The following RUNDC3B variants were observed in gnomAD, a reference collection of about 807,000 sequenced individuals.
The protein encoded by RUNDC3B is RUN domain containing 3B.
In RUNDC3B, 33 loss-of-function variants were observed where a neutral mutation model predicts 58.4. The ratio of observed to expected loss-of-function variants is 0.56; its 90% confidence interval spans 0.43 to 0.75. The LOEUF is 0.75. Ranked by LOEUF, RUNDC3B falls within the 30% of genes least tolerant of loss-of-function variation. The probability of loss-of-function intolerance (pLI) is 0.00; values close to 1 mark genes in which losing one functional copy is unlikely to be tolerated. For missense variants in RUNDC3B, 501 were observed against 535.7 expected (o/e 0.94, Z 0.64); for synonymous variants, 193 against 195.2 (o/e 0.99, Z 0.10).
chr7:87,711,609 A>G (rs1830092795), intron 4 of RUNDC3B, among the ~76,000 whole-genome samples: 1 of 152,146 alleles, frequency 6.6e-6, no homozygotes, highest in Non-Finnish European at 1.5e-5. Context: ...AAAAGATTTA[A>G]TAATTTTAAT....
chr7:87,648,912 T>C lies in RUNDC3B; in HGVS notation c.123-1910T>C, dbSNP rs542771542. ...GTTCAATTTCTAATATGGTGAATAC[T>C]AGATATAACCTATATAAACAAATCT... On this transcript the variant is annotated intron_variant, in intron 1 of 10. Coordinates refer to ENST00000394654, the MANE Select transcript of RUNDC3B (RefSeq NM_001134405.2). Among the ~76,000 whole-genome samples the C allele has an allele frequency of 1.8e-4, 27 of 152,248 alleles. 1 individual carries two copies. In the South Asian group the frequency reaches 2.1e-3, roughly 12 times the overall value.
chr7:87,700,656 A>G (rs1828950671), intron 3 of RUNDC3B, 102 bp downstream of exon 3: 1 of 1,077,276 alleles, frequency 9.3e-7, no homozygotes, highest in Non-Finnish European at 1.3e-6. Flanking sequence ...TCCTTTTCTT[A>G]AGAAGCATAA....
intron 2 of RUNDC3B, 26 bp from the exon 3 acceptor site, chr7:87,700,395 T>G: frequency 6.4e-7 from 1 of 1,552,142 alleles, no homozygotes; most frequent in African/African-American, 1.4e-5. Context: ...TTTTTAAAAT[T>G]TTATATCGCA....
intron 8 of RUNDC3B, among the ~76,000 whole-genome samples, chr7:87,802,212 C>T (rs1396285176): frequency 6.6e-6 from 1 of 151,578 alleles, no homozygotes; most frequent in Non-Finnish European, 1.5e-5. Context: ...GACAACAGGG[C>T]AAAACCTGGG....
At chr7:87,630,723 A>G (rs778795359) in intron 1 of RUNDC3B, among the ~76,000 whole-genome samples, 1 of 150,532 alleles carries the variant, frequency 6.6e-6, no homozygotes, top group Non-Finnish European at 1.5e-5. Context: ...TCAGTATAGC[A>G]TCTAACACTC....
intron 8 of RUNDC3B, among the ~76,000 whole-genome samples, chr7:87,794,969 A>T (rs183860553): frequency 6.6e-6 from 1 of 152,328 alleles, no homozygotes; most frequent in East Asian, 1.9e-4. Flanking sequence ...ACAAAAATCA[A>T]ATCAAAATCA....
Position 87,628,558 on chromosome 7 carries a change from CCGAGGGCGGAGGTGGT to C in RUNDC3B, c.-265_-250del. On this transcript the variant is annotated 5_prime_UTR_variant, in exon 1 of 11. Transcript: ENST00000394654. ...GCGCAGCCCGGCAGTCGGCGGCGCG[CCGAGGGCGGAGGTGGT>C]GCGTGCGTGCGTGTGTGTGTGTGTG... 3.1e-6 allele frequency: 1 copy of C among 319,566 alleles called. No individual in the cohort carries two copies. Among genetic ancestry groups the C allele is most frequent in the Non-Finnish European group, 5.6e-6 (1 of 177,402 alleles). The allele number at this position is 319,566 out of a possible 1,614,324, so 19.8% of individuals were successfully genotyped here.
chr7:87,778,191 C>A (rs548241311), intron 8 of RUNDC3B, among the ~76,000 whole-genome samples: 129 of 151,926 alleles, frequency 8.5e-4, no homozygotes, highest in African/African-American at 3.0e-3. Context: ...ATCTGTAATC[C>A]CCCCACTGGG....
chr7:87,749,880 AT>A (rs1195856118), intron 6 of RUNDC3B, among the ~76,000 whole-genome samples: 2 of 150,522 alleles, frequency 1.3e-5, no homozygotes, highest in African/African-American at 2.4e-5. Context: ...ATTTATTTTT[AT>A]TTTTTTATTA....
rs374119537 is a variant in RUNDC3B at position 87,673,341 on chromosome 7, C to G, written c.238+22404C>G. On this transcript the variant is annotated intron_variant, in intron 2 of 10. Coordinates refer to ENST00000394654, the MANE Select transcript of RUNDC3B (RefSeq NM_001134405.2). ...CAATTTCCTTGCTTTGTCTCCCTCTCTTTCAGGGATGGCAATGAATCACAT... is the reference window on the plus strand; with the variant it reads ...CAATTTCCTTGCTTTGTCTCCCTCTGTTTCAGGGATGGCAATGAATCACAT... Among the ~76,000 whole-genome samples the G allele has an allele frequency of 3.7e-4, 57 of 152,302 alleles. No homozygotes were observed. The South Asian group carries it at 0.011, about 30-fold the overall frequency.
At chr7:87,648,184 CA>C (rs138383809) in intron 1 of RUNDC3B, among the ~76,000 whole-genome samples, 1,399 of 65,442 alleles carry the variant, frequency 0.021, 2 homozygotes, top group Non-Finnish European at 0.032. Context: ...GACTCTGTCT[CA>C]AAAAAAAAAA....
chr7:87,770,880 C>T (rs1452506039), intron 7 of RUNDC3B, 131 bp downstream of exon 7: 1 of 589,514 alleles, frequency 1.7e-6, no homozygotes, highest in Non-Finnish European at 2.8e-6. Flanking sequence ...TTGAATTGTC[C>T]TCCTCTTAAT....
chr7:87,776,469 T>C (rs1834634284), intron 7 of RUNDC3B, among the ~76,000 whole-genome samples: 1 of 152,106 alleles, frequency 6.6e-6, no homozygotes, highest in South Asian at 2.1e-4. Flanking sequence ...AACAACGTAT[T>C]GTTTAAGATG....
chr7:87,701,415 G>C (rs1671645005), intron 3 of RUNDC3B, among the ~76,000 whole-genome samples: 1 of 152,144 alleles, frequency 6.6e-6, no homozygotes, highest in East Asian at 1.9e-4. Flanking sequence ...ATATAGAAAA[G>C]CTTTTTTAAA....
Position 87,725,012 on chromosome 7 carries a change from T to C in RUNDC3B, c.458+14357T>C, listed in dbSNP as rs190322210. Among the ~76,000 whole-genome samples the C allele has an allele frequency of 3.0e-4, 46 of 152,274 alleles. No individual in the cohort carries two copies. In the East Asian group the frequency reaches 7.9e-3, roughly 26 times the overall value. On this transcript the variant is annotated intron_variant, in intron 4 of 10. Coordinates refer to ENST00000394654, the MANE Select transcript of RUNDC3B (RefSeq NM_001134405.2). ...AATAAAAAACAAAGGCTTATGACTC[T>C]TGCTAGTCAAAGCCATTTTATTTAA...
intron 9 of RUNDC3B, among the ~76,000 whole-genome samples, chr7:87,812,337 A>G (rs573370805): frequency 6.6e-6 from 1 of 152,308 alleles, no homozygotes; most frequent in Admixed American, 6.5e-5. Flanking sequence ...GGCTGGGCAC[A>G]GTGGCTCACA....
intron 4 of RUNDC3B, among the ~76,000 whole-genome samples, chr7:87,731,875 A>C (rs71570580): frequency 1.3e-5 from 2 of 152,336 alleles, no homozygotes; most frequent in South Asian, 4.1e-4. Context: ...CAGAAAATCA[A>C]CAATGAAACA....
chr7:87,629,131 GC>G (rs1820937021), intron 1 of RUNDC3B, 186 bp downstream of exon 1: 1 of 465,346 alleles, frequency 2.1e-6, no homozygotes, highest in Admixed American at 4.4e-5. Flanking sequence ...CACCGTCGCA[GC>G]CCTGGACTTT....
At chr7:87,817,052 T>C (rs1195883428) in intron 10 of RUNDC3B, among the ~76,000 whole-genome samples, 1 of 152,194 alleles carries the variant, frequency 6.6e-6, no homozygotes, top group Non-Finnish European at 1.5e-5. Context: ...ATATGAGAGC[T>C]AGGGGAAGAA....
Sources: gnomAD v4.1 joint callset for allele counts (sites outside exome capture counted in the v4.1 genomes callset) on GRCh38, gnomAD v4.1.1 for gene constraint, MANE v1.5 for transcripts, NCBI Gene and HGNC (gene_info 2026-07-23, HGNC 2026-07-21) for gene names.